SMARCB1: variants seen among roughly 807,000 people sequenced by gnomAD.
SMARCB1 encodes SWI/SNF-related matrix-associated actin-dependent regulator of chromatin subfamily B member 1.
SMARCB1 carries 5 observed loss-of-function variants against 49.0 expected under a neutral mutation model. The observed-to-expected ratio is 0.10, with a 90% CI of 0.05 to 0.21. The LOEUF is 0.21. SMARCB1 is among the 10% of genes least tolerant of loss of function. The pLI is 1.00. For missense variants in SMARCB1, 226 were observed against 509.2 expected (o/e 0.44, Z 5.35); for synonymous variants, 201 against 200.1 (o/e 1.00, Z -0.04).
intron 3 of SMARCB1, among the ~76,000 whole-genome samples, chr22:23,794,552 C>T (rs1928620706): frequency 6.6e-6 from 1 of 152,124 alleles, no homozygotes; most frequent in African/African-American, 2.4e-5. Context: ...TCAGAAAAAT[C>T]AGTGGCTCAC....
rs1162960733 is a variant in SMARCB1 at position 23,837,526 on chromosome 22, G to A, written c.*3346G>A. The A allele has an allele frequency of 6.3e-6, 6 of 947,624 alleles. No individual in the cohort carries two copies. Among genetic ancestry groups the A allele is most frequent in the Non-Finnish European group, 9.4e-6 (6 of 640,044 alleles). 58.7% of individuals were successfully genotyped at this position (947,624 alleles called of 1,614,324 possible). A position where few individuals can be genotyped will look rare whatever the true frequency, so the allele number is the denominator to read the frequency against. ...GCTGTAAGAGCACAGCAGCTGGGAGGGCAGGAAGATGGGGATGGAGCCAGG... is the reference window on the plus strand; with the variant it reads ...GCTGTAAGAGCACAGCAGCTGGGAGAGCAGGAAGATGGGGATGGAGCCAGG... On this transcript the variant is annotated 3_prime_UTR_variant, in exon 9 of 9. Transcript: ENST00000644036.
chr22:23,825,105 C>A lies in SMARCB1; in HGVS notation c.796-120C>A. The A allele has an allele frequency of 3.8e-6, 3 of 782,990 alleles. No homozygotes were observed. In the Admixed American group the frequency reaches 5.6e-5, roughly 15 times the overall value. The allele number at this position is 782,990 out of a possible 1,614,324, so 48.5% of individuals were successfully genotyped here. A position where few individuals can be genotyped will look rare whatever the true frequency, so the allele number is the denominator to read the frequency against. ...GAACTGGAAGGACAAGGACCACCTG[C>A]AGTTCTCAGCTGGTGGACCCTGGTG... On this transcript the variant is annotated intron_variant, in intron 6 of 8. Coordinates refer to ENST00000644036, the MANE Select transcript of SMARCB1 (RefSeq NM_003073.5).
intron 1 of SMARCB1, 123 bp downstream of exon 1, chr22:23,787,385 G>C (rs529380801): frequency 4.2e-6 from 2 of 477,738 alleles, no homozygotes; most frequent in Non-Finnish European, 7.4e-6. Flanking sequence ...GCGCGCGCTC[G>C]GGGCTGTGGG....
intron 5 of SMARCB1, chr22:23,814,921 G>A (rs1244890695): frequency 6.8e-6 from 1 of 147,558 alleles, no homozygotes; most frequent in Non-Finnish European, 1.5e-5. Flanking sequence ...TGTGAGCCAA[G>A]ATCACGCCGT....
rs1475733219 is a variant in SMARCB1, at chr22:23,819,187, A to G, written c.795+2251A>G. 2.0e-5 allele frequency among the ~76,000 whole-genome samples: 3 copies of G among 152,148 alleles called. No homozygotes were observed. The East Asian group carries it at 5.8e-4, about 29-fold the overall frequency. ...TTAAGGCTAAATAATATTCTGTTGT[A>G]TGGATCTATCACATTTTTATTTATT... is the stretch of plus-strand genomic sequence containing the variant. On this transcript the variant is annotated intron_variant, in intron 6 of 8. Coordinates refer to ENST00000644036, the MANE Select transcript of SMARCB1 (RefSeq NM_003073.5).
In SMARCB1 at chr22:23,799,725, C is replaced by G. The variant is rs192105626; in HGVS notation, c.363-1219C>G. Among the ~76,000 whole-genome samples the G allele has an allele frequency of 8.9e-4, 118 of 132,430 alleles. 2 individuals carry two copies. In the South Asian group the frequency reaches 8.9e-3, roughly 10 times the overall value. The allele number at this position is 132,430 out of a possible 152,430, so 86.9% of individuals were successfully genotyped here. Reference sequence around the variant, plus strand: ...TTTGAGACGGAGTCTTGCTCTGTCTCCCACTCTGGAGTGCAGTGGCGCAAT... The same window carrying G: ...TTTGAGACGGAGTCTTGCTCTGTCTGCCACTCTGGAGTGCAGTGGCGCAAT... On this transcript the variant is annotated intron_variant, in intron 3 of 8. Transcript: ENST00000644036.
At chr22:23,829,291 C>T (rs1439213506) in intron 7 of SMARCB1, among the ~76,000 whole-genome samples, 1 of 152,172 alleles carries the variant, frequency 6.6e-6, no homozygotes, top group African/African-American at 2.4e-5. Flanking sequence ...GGCATAGAAC[C>T]TGGGGTGAGG....
intron 6 of SMARCB1, 43 bp from the exon 7 acceptor site, chr22:23,825,182 G>T (rs1321752959): frequency 1.3e-6 from 2 of 1,589,040 alleles, no homozygotes; most frequent in Admixed American, 1.7e-5. Flanking sequence ...GGCCTCCCTG[G>T]GCTGCAAAAG....
At position 23,835,681 on chromosome 22, in the gene SMARCB1, C is replaced by T. The variant is rs1397626062; in HGVS notation, c.*1501C>T. 1 of 985,422 alleles carries T rather than the reference C, an allele frequency of 1.0e-6. No individual in the cohort carries two copies. The highest frequency in any genetic ancestry group is 6.1e-5 in the Admixed American group (1 of 16,276). The allele number at this position is 985,422 out of a possible 1,614,324, so 61.0% of individuals were successfully genotyped here. A position where few individuals can be genotyped will look rare whatever the true frequency, so the allele number is the denominator to read the frequency against. The stretch of plus-strand genomic sequence containing the variant: ...GGGGAAGATTCCCAGCCCAGCTGCT[C>T]TTAGACATGAACAGGTTTCATTGCT... On this transcript the variant is annotated 3_prime_UTR_variant, in exon 9 of 9. Transcript: ENST00000644036.
intron 7 of SMARCB1, 32 bp downstream of exon 7, chr22:23,825,447 A>G: frequency 6.3e-7 from 1 of 1,586,188 alleles, no homozygotes; most frequent in Non-Finnish European, 8.7e-7. Context: ...TCCCTCCCTC[A>G]TCTCCCTGCA....
At chr22:23,815,565 T>C (rs910846717) in intron 5 of SMARCB1, 1 of 152,162 alleles carries the variant, frequency 6.6e-6, no homozygotes, top group African/African-American at 2.4e-5. Context: ...ATGCAACCAG[T>C]GTACCTTGAG....
Position 23,834,736 on chromosome 22 carries a change from C to A in SMARCB1, c.*556C>A. The A allele has an allele frequency of 6.8e-7, 1 of 1,477,620 alleles. No homozygotes were observed. The highest frequency in any genetic ancestry group is 9.0e-7 in the Non-Finnish European group (1 of 1,107,824). 91.5% of individuals were successfully genotyped at this position (1,477,620 alleles called of 1,614,324 possible). On this transcript the variant is annotated 3_prime_UTR_variant, in exon 9 of 9. Coordinates refer to ENST00000644036, the MANE Select transcript of SMARCB1 (RefSeq NM_003073.5). ...CCCTCAGCCTGTTCTCCTTCCAGAC[C>A]CAGAGAGCTGAGAAGAGTAGCTGTG... is the stretch of plus-strand genomic sequence containing the variant.
Position 23,835,512 on chromosome 22 carries a change from G to A in SMARCB1, c.*1332G>A, listed in dbSNP as rs1266789973. On this transcript the variant is annotated 3_prime_UTR_variant, in exon 9 of 9. Coordinates refer to ENST00000644036, the MANE Select transcript of SMARCB1 (RefSeq NM_003073.5). ...CTTGGTCGCTGAGATGTGAGAGGAGGGCTCCTTTGAGCACATGTTAGCATG... is the reference window on the plus strand; with the variant it reads ...CTTGGTCGCTGAGATGTGAGAGGAGAGCTCCTTTGAGCACATGTTAGCATG... The A allele has an allele frequency of 1.0e-6, 1 of 985,430 alleles. No individual in the cohort carries two copies. The highest frequency in any genetic ancestry group is 1.7e-5 in the African/African-American group (1 of 57,234). 61.0% of individuals were successfully genotyped at this position (985,430 alleles called of 1,614,324 possible). A position where few individuals can be genotyped will look rare whatever the true frequency, so the allele number is the denominator to read the frequency against.
In SMARCB1 at chr22:23,798,980, G is replaced by A. The variant is rs577825985; in HGVS notation, c.363-1964G>A. On this transcript the variant is annotated intron_variant, in intron 3 of 8. Transcript: ENST00000644036. The stretch of plus-strand genomic sequence containing the variant: ...CAGGAGAATGGCGTGAACCCGGGAG[G>A]CAGACCTTGCATTGAGCCCAGATGG... 1.3e-3 allele frequency among the ~76,000 whole-genome samples: 200 copies of A among 151,404 alleles called. 1 individual carries two copies. Among genetic ancestry groups the A allele is most frequent in the African/African-American group, 4.4e-3 (182 of 41,224 alleles).
rs2030960749 is a variant in SMARCB1 at position 23,835,343 on chromosome 22, C to T, written c.*1163C>T. On this transcript the variant is annotated 3_prime_UTR_variant, in exon 9 of 9. Coordinates refer to ENST00000644036, the MANE Select transcript of SMARCB1 (RefSeq NM_003073.5). ...ATGGGCACAGATCCGGGCACAGATC[C>T]CAGCACAGACTGCTGCCACCCTCAG... The T allele has an allele frequency of 1.0e-6, 1 of 998,438 alleles. No homozygotes were observed. The highest frequency in any genetic ancestry group is 1.2e-6 in the Non-Finnish European group (1 of 839,100). The allele number at this position is 998,438 out of a possible 1,614,324, so 61.8% of individuals were successfully genotyped here.
Position 23,816,432 on chromosome 22 carries a change from A to G in SMARCB1, c.629-338A>G, listed in dbSNP as rs1002948928. ...GAGGGGAGTAGAGAGATGGCACGCA[A>G]GCTTTGATGTGCCTTTGCTGGCCTC... On this transcript the variant is annotated intron_variant, in intron 5 of 8. Transcript: ENST00000644036. 5 of 492,744 alleles carry G rather than the reference A, an allele frequency of 1.0e-5. No homozygotes were observed. In the East Asian group the frequency reaches 1.9e-4, roughly 19 times the overall value. The allele number at this position is 492,744 out of a possible 1,614,324, so 30.5% of individuals were successfully genotyped here. A position where few individuals can be genotyped will look rare whatever the true frequency, so the allele number is the denominator to read the frequency against.
In SMARCB1 at chr22:23,835,737, C is replaced by G. The variant is rs780316075; in HGVS notation, c.*1557C>G. 3 of 985,478 alleles carry G rather than the reference C, an allele frequency of 3.0e-6. No individual in the cohort carries two copies. The highest frequency in any genetic ancestry group is 4.7e-5 in the South Asian group (1 of 21,294). 61.0% of individuals were successfully genotyped at this position (985,478 alleles called of 1,614,324 possible). ...GTTTGTTCTGTCCATGAGGTAGGAA[C>G]CTCGGCAATGAAAGGGTGAGGCAGC... On this transcript the variant is annotated 3_prime_UTR_variant, in exon 9 of 9. Transcript: ENST00000644036.
intron 7 of SMARCB1, among the ~76,000 whole-genome samples, chr22:23,832,175 G>A (rs1279834978): frequency 2.7e-5 from 4 of 150,150 alleles, no homozygotes. Context: ...GTGCAGAGCC[G>A]GGACTCGCTC....
At chr22:23,810,527 C>CAAAAAAAAAAA (rs201408640) in intron 5 of SMARCB1, among the ~76,000 whole-genome samples, 16 of 79,190 alleles carry the variant, frequency 2.0e-4, no homozygotes, top group East Asian at 4.0e-4. Flanking sequence ...GACTCTGTCT[C>CAAAAAAAAAAA]AAAAAAAAAA....
Sources: allele counts gnomAD v4.1 joint callset (sites outside exome capture counted in the v4.1 genomes callset), GRCh38; gene constraint gnomAD v4.1.1; transcripts MANE v1.5; gene names NCBI Gene and HGNC (gene_info 2026-07-23, HGNC 2026-07-21).